Variants in UGT1A4 observed in about 807,000 individuals in gnomAD.
The protein encoded by UGT1A4 is UDP-glucuronosyltransferase 1A4.
In UGT1A4, 32 loss-of-function variants were observed where a neutral mutation model predicts 41.1. The observed-to-expected ratio is 0.78, with a 90% confidence interval of 0.59 to 1.05. The LOEUF (loss-of-function observed/expected upper bound fraction) is 1.05. Among genes scored for constraint, UGT1A4 ranks in the 50% least tolerant of loss-of-function variants. The pLI, the probability that UGT1A4 is intolerant of heterozygous loss-of-function variation, is 0.00. For missense variants in UGT1A4, 748 were observed against 677.4 expected, an observed-to-expected ratio of 1.10 and a Z score of -1.16; for synonymous variants, 283 against 265.1, an observed-to-expected ratio of 1.07 and a Z score of -0.66.
At position 233,769,603 on chromosome 2, in the gene UGT1A4, G is replaced by T; in HGVS notation, c.1307+1164G>T. 1 of 1,612,818 alleles carries T rather than the reference G, an allele frequency of 6.2e-7. No individual in the cohort carries two copies. Among genetic ancestry groups the T allele is most frequent in the Non-Finnish European group, 8.5e-7 (1 of 1,179,870 alleles). On this transcript the variant is annotated intron_variant, in intron 4 of 4. Transcript: ENST00000373409. The surrounding 1 kb of genome is among the most constrained non-coding windows in gnomAD (Gnocchi z 4.4). Reference sequence around the variant, plus strand: ...CAGATGAGAGGAGACGGAACACGGGGACACACCAGCTTGAGCAAGGGACAA... The same window carrying T: ...CAGATGAGAGGAGACGGAACACGGGTACACACCAGCTTGAGCAAGGGACAA...
At chr2:233,741,469 A>T (rs1331222239) in intron 1 of UGT1A4, 1 of 151,940 alleles carries the variant, frequency 6.6e-6, no homozygotes, top group African/African-American at 2.4e-5. Context: ...CACACATGTA[A>T]GTTCCCTCGT....
intron 4 of UGT1A4, among the ~76,000 whole-genome samples, 182 bp downstream of exon 4, chr2:233,768,621 C>T (rs186985441): frequency 1.7e-5 from 2 of 116,022 alleles, no homozygotes; most frequent in East Asian, 2.7e-4. Flanking sequence ...GAGTCTTGCT[C>T]TGTCACCTAG....
In UGT1A4 at chr2:233,719,360, A is replaced by T; in HGVS notation, c.540A>T (p.Leu180Phe). 1 of 1,613,910 alleles carries T rather than the reference A, an allele frequency of 6.2e-7. No homozygotes were observed. Among genetic ancestry groups the T allele is most frequent in the Non-Finnish European group, 8.5e-7 (1 of 1,179,858 alleles). ...VFFWRYIPCDLDFKGTQCPNP... is the reference protein window; with the variant it reads ...VFFWRYIPCDFDFKGTQCPNP... ...TTTGGAGGTACATTCCATGTGACTTAGACTTTAAGGGCACACAGTGTCCAA... is the reference window on the plus strand; with the variant it reads ...TTTGGAGGTACATTCCATGTGACTTTGACTTTAAGGGCACACAGTGTCCAA... The change falls in exon 1 of 5, where the codon TTA becomes TTT. Residue 180 changes from leucine to phenylalanine, a missense_variant. Physicochemically the swap from Leu to Phe is conservative, Grantham distance 22 (BLOSUM62 0). Coordinates refer to ENST00000373409, the MANE Select transcript of UGT1A4 (RefSeq NM_007120.3).
At chr2:233,756,346 C>T (rs1696189939) in intron 1 of UGT1A4, 1 of 152,136 alleles carries the variant, frequency 6.6e-6, no homozygotes, top group South Asian at 2.1e-4. Context: ...CTCTTGATTA[C>T]TTTTACCTAA....
intron 1 of UGT1A4, among the ~76,000 whole-genome samples, chr2:233,759,570 T>G (rs2125974184): frequency 6.6e-6 from 1 of 152,070 alleles, no homozygotes; most frequent in African/African-American, 2.4e-5. Flanking sequence ...TTCTGGTCAT[T>G]CTCTACCCCA....
intron 1 of UGT1A4, among the ~76,000 whole-genome samples, chr2:233,766,326 C>A (rs192391946): frequency 2.6e-5 from 4 of 152,238 alleles, no homozygotes; most frequent in Non-Finnish European, 4.4e-5. Flanking sequence ...CCAAACTCCG[C>A]GTTGTTCTGC....
intron 1 of UGT1A4, among the ~76,000 whole-genome samples, chr2:233,750,094 GAGAGCTC>G (rs2125902484): frequency 6.6e-6 from 1 of 152,024 alleles, no homozygotes; most frequent in South Asian, 2.1e-4. Context: ...GAACAGTTTG[GAGAGCTC>G]AGAAGAAGAC....
chr2:233,767,309 T>A, intron 2 of UGT1A4, 144 bp downstream of exon 2: 2 of 1,517,866 alleles, frequency 1.3e-6, no homozygotes, highest in Non-Finnish European at 8.7e-7. Context: ...CCAAAGGTTT[T>A]TTTTGTTGTT....
In UGT1A4 at chr2:233,760,861, T is replaced by C. The variant is rs776126400; in HGVS notation, c.868-6173T>C. 1.9e-6 allele frequency: 3 copies of C among 1,614,158 alleles called. No individual in the cohort carries two copies. The South Asian group carries it at 3.3e-5, about 18-fold the overall frequency. The stretch of plus-strand genomic sequence containing the variant: ...TACCCAGTGCCCCAACCCATTCTCC[T>C]ACGTGCCCAGGCCTCTCTCCTCTCA... On this transcript the variant is annotated intron_variant, in intron 1 of 4. Coordinates refer to ENST00000373409, the MANE Select transcript of UGT1A4 (RefSeq NM_007120.3).
intron 1 of UGT1A4, chr2:233,743,329 A>G: frequency 4.0e-6 from 3 of 753,958 alleles, no homozygotes; most frequent in East Asian, 1.3e-4. Context: ...ACCATCAACT[A>G]TTTCAGTGGA....
intron 1 of UGT1A4, among the ~76,000 whole-genome samples, chr2:233,759,941 CTTG>C (rs1697287093): frequency 6.6e-6 from 1 of 152,156 alleles, no homozygotes; most frequent in Non-Finnish European, 1.5e-5. Flanking sequence ...AGAAGCCTAA[CTTG>C]TTCACTACAT....
At chr2:233,757,247 G>C (rs1244146616) in intron 1 of UGT1A4, among the ~76,000 whole-genome samples, 2 of 143,632 alleles carry the variant, frequency 1.4e-5, no homozygotes. Flanking sequence ...GGTGAGGTGG[G>C]GTTATTCAGG....
Position 233,730,281 on chromosome 2 carries a change from C to T in UGT1A4, c.867+10594C>T, listed in dbSNP as rs566860864. On this transcript the variant is annotated intron_variant, in intron 1 of 4. Transcript: ENST00000373409. ...GACTGTTGGTTTGTAAAGGCACCATCTTCATGGTTGTGCATGTCCTTCAGC... is the reference window on the plus strand; with the variant it reads ...GACTGTTGGTTTGTAAAGGCACCATTTTCATGGTTGTGCATGTCCTTCAGC... 2.6e-5 allele frequency among the ~76,000 whole-genome samples: 4 copies of T among 152,274 alleles called. No individual in the cohort carries two copies. In the South Asian group the frequency reaches 8.3e-4, roughly 32 times the overall value.
rs746090346 is a variant in UGT1A4, at chr2:233,743,531, A to T, written c.868-23503A>T. 6 of 1,367,280 alleles carry T rather than the reference A, an allele frequency of 4.4e-6. No individual in the cohort carries two copies. The highest frequency in any genetic ancestry group is 5.9e-6 in the Non-Finnish European group (6 of 1,021,864). 84.7% of individuals were successfully genotyped at this position (1,367,280 alleles called of 1,614,324 possible). A position where few individuals can be genotyped will look rare whatever the true frequency, so the allele number is the denominator to read the frequency against. Reference sequence around the variant, plus strand: ...GACGCTCTGCTTCTGCTTCCCCAGCAGTTCCTCTGACCCCCCCAAAATATT... The same window carrying T: ...GACGCTCTGCTTCTGCTTCCCCAGCTGTTCCTCTGACCCCCCCAAAATATT... On this transcript the variant is annotated intron_variant, in intron 1 of 4. Transcript: ENST00000373409.
chr2:233,725,667 A>G (rs756322842), intron 1 of UGT1A4, among the ~76,000 whole-genome samples: 6 of 152,188 alleles, frequency 3.9e-5, no homozygotes, highest in Non-Finnish European at 8.8e-5. Context: ...AATTTGGAAT[A>G]GTCACATTTC....
intron 1 of UGT1A4, among the ~76,000 whole-genome samples, chr2:233,731,515 A>G (rs1195217483): frequency 5.9e-5 from 9 of 152,018 alleles, no homozygotes; most frequent in Non-Finnish European, 2.9e-5. Flanking sequence ...GTTCCCACCT[A>G]TGAGTGAGAA....
At position 233,735,860 on chromosome 2, in the gene UGT1A4, G is replaced by A. The variant is rs189938280; in HGVS notation, c.867+16173G>A. ...GCCCCCACTCTCTTCTGTCTTGTAG[G>A]GTTTCTGCAGAGAGATCTGCTGTTA... On this transcript the variant is annotated intron_variant, in intron 1 of 4. Coordinates refer to ENST00000373409, the MANE Select transcript of UGT1A4 (RefSeq NM_007120.3). Among the ~76,000 whole-genome samples the A allele has an allele frequency of 7.9e-5, 12 of 151,742 alleles. No individual in the cohort carries two copies. The East Asian group carries it at 1.9e-3, about 24-fold the overall frequency.
intron 1 of UGT1A4, among the ~76,000 whole-genome samples, chr2:233,759,231 T>G (rs911541986): frequency 6.6e-6 from 1 of 152,228 alleles, no homozygotes; most frequent in African/African-American, 2.4e-5. Context: ...AAATGAAGGA[T>G]GGAAACTTGC....
intron 1 of UGT1A4, chr2:233,747,809 G>A (rs955692001): frequency 4.3e-6 from 7 of 1,613,214 alleles, no homozygotes; most frequent in Admixed American, 3.3e-5. Flanking sequence ...AGTTACTAAC[G>A]ACCAATTCAG....
Sources: gnomAD v4.1 joint callset for allele counts (sites outside exome capture counted in the v4.1 genomes callset) on GRCh38, gnomAD v4.1.1 for gene constraint, Gnocchi (gnomAD v3.1) non-coding constraint, MANE v1.5 for transcripts, NCBI Gene and HGNC (gene_info 2026-07-23, HGNC 2026-07-21) for gene names.